NAE1: variants seen among roughly 807,000 people sequenced by gnomAD.
NAE1 encodes NEDD8 activating enzyme E1 subunit 1.
A neutral mutation model predicts 88.0 loss-of-function variants in NAE1; 59 were observed. That is an observed-to-expected ratio of 0.67 (90% CI 0.54 to 0.83). NAE1 has a LOEUF of 0.83. NAE1 is among the 40% of genes least tolerant of loss of function. The pLI is 0.00. For synonymous variants in NAE1, 186 were observed against 208.9 expected (o/e 0.89, Z 0.95); for missense variants, 554 against 632.8 (o/e 0.88, Z 1.34).
At chr16:66,817,399 G>A (rs1056142111) in intron 9 of NAE1, 26 bp downstream of exon 9, 2 of 1,537,688 alleles carry the variant, frequency 1.3e-6, no homozygotes, top group Non-Finnish European at 1.8e-6. Context: ...AGTTGCATAT[G>A]AAATTTTTTT....
Position 66,809,088 on chromosome 16 carries a change from A to T in NAE1, c.1151-13T>A. On this transcript the variant is annotated splice_polypyrimidine_tract_variant and intron_variant, in intron 15 of 19. Transcript: ENST00000290810. ...GCAGAATTGCTGCCTGAACAGAGGA[A>T]AGATATTCTGGAAGTAATGACTGTG... 2 of 1,596,054 alleles carry T rather than the reference A, an allele frequency of 1.3e-6. No individual in the cohort carries two copies. Among genetic ancestry groups the T allele is most frequent in the South Asian group, 1.1e-5 (1 of 89,310 alleles).
In NAE1 at chr16:66,818,527, C is replaced by T. The variant is rs1362878966; in HGVS notation, c.621+1G>A. ...AATGTAAGGTCACACACACTACCAA[C>T]CTTTTTTTCCATATGATCCAAATCA... On this transcript the variant is annotated splice_donor_variant, in intron 8 of 19. Coordinates refer to ENST00000290810, the MANE Select transcript of NAE1 (RefSeq NM_003905.4). LOFTEE classifies it high-confidence loss of function. The T allele has an allele frequency of 6.2e-7, 1 of 1,607,026 alleles. No homozygotes were observed.
chr16:66,825,395 C>A (rs1043751566), intron 3 of NAE1, among the ~76,000 whole-genome samples: 2 of 149,396 alleles, frequency 1.3e-5, no homozygotes, highest in Non-Finnish European at 3.0e-5. Flanking sequence ...TGCAGTGAGC[C>A]GAGATTGCAC....
intron 3 of NAE1, among the ~76,000 whole-genome samples, chr16:66,825,230 G>A (rs552105706): frequency 7.3e-4 from 111 of 152,174 alleles, no homozygotes; most frequent in African/African-American, 2.5e-3. Flanking sequence ...GGCGGATCAC[G>A]AAGTCAGGAG....
intron 1 of NAE1, among the ~76,000 whole-genome samples, chr16:66,829,956 G>C (rs1340435090): frequency 6.6e-6 from 1 of 152,166 alleles, no homozygotes; most frequent in African/African-American, 2.4e-5. Context: ...CACGATCTCG[G>C]CTCCCTGAAA....
chr16:66,823,952 G>A (rs893515565), intron 4 of NAE1, among the ~76,000 whole-genome samples: 1 of 152,140 alleles, frequency 6.6e-6, no homozygotes, highest in Non-Finnish European at 1.5e-5. Context: ...GCCCAGGCTG[G>A]TCTTGAACTC....
chr16:66,816,568 A>G lies in NAE1; in HGVS notation c.840+13T>C, dbSNP rs375619119. The G allele has an allele frequency of 3.8e-6, 6 of 1,566,618 alleles. No individual in the cohort carries two copies. The highest frequency in any genetic ancestry group is 1.1e-5 in the South Asian group (1 of 89,432). On this transcript the variant is annotated intron_variant, in intron 11 of 19. Transcript: ENST00000290810. The stretch of plus-strand genomic sequence containing the variant: ...TCTTGTTCATGTGAATCCCTCAGCA[A>G]CTCTTTCATTACCTGAGTTGTATTT...
chr16:66,805,747 C>A lies in NAE1; in HGVS notation c.1495+30G>T, dbSNP rs363203. 557 of 1,432,982 alleles carry A rather than the reference C, an allele frequency of 3.9e-4. 3 individuals carry two copies. The East Asian group carries it at 0.013, about 34-fold the overall frequency. The allele number at this position is 1,432,982 out of a possible 1,614,324, so 88.8% of individuals were successfully genotyped here. On this transcript the variant is annotated intron_variant, in intron 19 of 19. Transcript: ENST00000290810. ...AAATAGTAACTGTACTATGTAACAACAGGTGAGTCTTCTCATATATGGAAC... is the reference window on the plus strand; with the variant it reads ...AAATAGTAACTGTACTATGTAACAAAAGGTGAGTCTTCTCATATATGGAAC...
Position 66,809,072 on chromosome 16 carries a change from C to T in NAE1, c.1154G>A (p.Ser385Asn). Reference protein sequence around the residue: ...ISEKELKLLCSNSAFLRVVRC... With the variant: ...ISEKELKLLCNNSAFLRVVRC... ...TACCACTCGAAGAAATGCAGAATTG[C>T]TGCCTGAACAGAGGAAAGATATTCT... The change falls in exon 16 of 20, where the codon AGC becomes AAC. Residue 385 changes from serine to asparagine, a missense_variant. Physicochemically the swap from Ser to Asn is conservative, Grantham distance 46. Coordinates refer to ENST00000290810, the MANE Select transcript of NAE1 (RefSeq NM_003905.4). 1 of 1,609,048 alleles carries T rather than the reference C, an allele frequency of 6.2e-7. No homozygotes were observed.
intron 19 of NAE1, among the ~76,000 whole-genome samples, chr16:66,804,425 T>C (rs1360002564): frequency 6.6e-6 from 1 of 152,198 alleles, no homozygotes; most frequent in African/African-American, 2.4e-5. Flanking sequence ...GACTACTTGG[T>C]TTTAGTTTAA....
chr16:66,817,264 C>A, intron 9 of NAE1, 161 bp downstream of exon 9: 1 of 874,938 alleles, frequency 1.1e-6, no homozygotes, highest in Non-Finnish European at 1.8e-6. Context: ...TTATCAGGAT[C>A]AAAAGAGGAA....
intron 4 of NAE1, among the ~76,000 whole-genome samples, chr16:66,824,160 C>G (rs1038793102): frequency 1.3e-5 from 2 of 152,084 alleles, no homozygotes; most frequent in African/African-American, 4.8e-5. Flanking sequence ...GGCAAATGAC[C>G]AAAAAACTCT....
intron 17 of NAE1, among the ~76,000 whole-genome samples, chr16:66,806,581 C>T (rs944927559): frequency 1.3e-5 from 2 of 152,094 alleles, no homozygotes; most frequent in Admixed American, 1.3e-4. Context: ...TGCGCCACCA[C>T]ACACAGCTAA....
At chr16:66,822,680 T>TA (rs1285842884) in intron 6 of NAE1, among the ~76,000 whole-genome samples, 22 of 149,294 alleles carry the variant, frequency 1.5e-4, no homozygotes, top group African/African-American at 4.6e-4. Flanking sequence ...ATTTATTTTT[T>TA]TTTTTTGAGA....
intron 6 of NAE1, among the ~76,000 whole-genome samples, chr16:66,822,076 A>G (rs1444511498): frequency 7.9e-5 from 12 of 152,168 alleles, no homozygotes; most frequent in Non-Finnish European, 1.8e-4. Context: ...CATGTTGCCC[A>G]GGTGGTCTTA....
rs1196263613 is a variant in NAE1 at position 66,806,172 on chromosome 16, C to T, written c.1331-146G>A. On this transcript the variant is annotated intron_variant, in intron 17 of 19. Transcript: ENST00000290810. ...TAACAAAGTATGAGACCAATATTTG[C>T]ACATATCACAAACCTATAATCAGAG... 3.2e-6 allele frequency: 3 copies of T among 930,580 alleles called. No individual in the cohort carries two copies. The African/African-American group carries it at 5.1e-5, about 16-fold the overall frequency. The allele number at this position is 930,580 out of a possible 1,614,324, so 57.6% of individuals were successfully genotyped here.
chr16:66,821,045 G>A (rs540451154), intron 7 of NAE1, among the ~76,000 whole-genome samples: 4 of 152,238 alleles, frequency 2.6e-5, no homozygotes, highest in African/African-American at 9.6e-5. Context: ...CTCCAGCCTG[G>A]GCAACAAGAG....
chr16:66,804,803 CTCTTGCCATTTTTTTTT>C (rs1959497304), intron 19 of NAE1, among the ~76,000 whole-genome samples: 1 of 122,490 alleles, frequency 8.2e-6, no homozygotes, highest in Non-Finnish European at 1.7e-5. Flanking sequence ...CCAGAGACTT[CTCTTGCCATTTTTTTTT>C]TCACCATGTG....
At chr16:66,807,908 CTT>C (rs879516167) in intron 17 of NAE1, among the ~76,000 whole-genome samples, 9 of 144,936 alleles carry the variant, frequency 6.2e-5, no homozygotes, top group Non-Finnish European at 7.6e-5. Flanking sequence ...TAGTAGCATA[CTT>C]TTTTTTTTTT....
Sources: allele counts gnomAD v4.1 joint callset (sites outside exome capture counted in the v4.1 genomes callset), GRCh38; gene constraint gnomAD v4.1.1; transcripts MANE v1.5; gene names NCBI Gene and HGNC (gene_info 2026-07-23, HGNC 2026-07-21).